TENM2: variants seen among roughly 807,000 people sequenced by gnomAD.
The protein encoded by TENM2 is teneurin transmembrane protein 2, also known as teneurin-2.
TENM2 carries 52 observed loss-of-function variants against 245.2 expected under a neutral mutation model. The observed-to-expected ratio is 0.21, with a 90% CI of 0.17 to 0.27. The LOEUF is 0.27. Ranked by LOEUF, TENM2 falls within the 10% of genes least tolerant of loss-of-function variation. The probability of loss-of-function intolerance (pLI) is 1.00; values close to 1 mark genes in which losing one functional copy is unlikely to be tolerated. For missense variants in TENM2, 3,046 were observed against 3,666.8 expected (o/e 0.83, Z 4.37); for synonymous variants, 1,363 against 1,438.9 (o/e 0.95, Z 1.19).
At chr5:167,248,545 T>A in the TENM2 span, among the ~76,000 whole-genome samples, 1 of 152,068 alleles carries the variant, frequency 6.6e-6, no homozygotes, top group Non-Finnish European at 1.5e-5. Flanking sequence ...TTGAAAACGC[T>A]AGAGGAAGAA....
chr5:167,092,314 G>A, the TENM2 span, among the ~76,000 whole-genome samples: 32 of 151,976 alleles, frequency 2.1e-4, no homozygotes, highest in African/African-American at 7.0e-4. Flanking sequence ...AGGCTACGTC[G>A]GCAGAGTTGA....
At chr5:167,121,777 C>A in the TENM2 span, among the ~76,000 whole-genome samples, 66 of 152,284 alleles carry the variant, frequency 4.3e-4, no homozygotes, top group African/African-American at 1.5e-3. Flanking sequence ...CTGATAGGAT[C>A]AAAAACTTTC....
the TENM2 span, among the ~76,000 whole-genome samples, chr5:167,157,965 C>T: frequency 1.3e-5 from 2 of 152,176 alleles, no homozygotes; most frequent in Non-Finnish European, 2.9e-5. Flanking sequence ...GACAGCATTT[C>T]TACTCTCGTT....
chr5:167,284,938 T>A, exon 1 of TENM2: 1 of 1,551,764 alleles, frequency 6.4e-7, no homozygotes, highest in South Asian at 1.2e-5. Flanking sequence ...GACTGCCGCG[T>A]GCCCACACAG....
the TENM2 span, among the ~76,000 whole-genome samples, chr5:167,050,811 G>A: frequency 1.3e-5 from 2 of 152,086 alleles, no homozygotes; most frequent in Non-Finnish European, 2.9e-5. Context: ...ATTCAAGGTG[G>A]GTCTGGGATG....
intron 1 of TENM2, among the ~76,000 whole-genome samples, chr5:167,286,327 C>A (rs1484071966): frequency 1.3e-5 from 2 of 152,178 alleles, no homozygotes; most frequent in Non-Finnish European, 1.5e-5. Flanking sequence ...ACATGCTGAT[C>A]CTCCTCCATG....
intron 2 of TENM2, among the ~76,000 whole-genome samples, chr5:167,450,740 A>G (rs1308887185): frequency 2.0e-5 from 3 of 152,154 alleles, no homozygotes; most frequent in African/African-American, 7.2e-5. Context: ...ATCAGCATGT[A>G]TGTTCTCAAC....
Position 167,509,199 on chromosome 5 carries a change from G to A in TENM2, c.502+133726G>A, listed in dbSNP as rs187647448. ...TCTTGTCTATATTTTTGTTACCTCA[G>A]GGGATTATCCATAACTGTCAGATTG... On this transcript the variant is annotated intron_variant, in intron 2 of 28. Coordinates refer to ENST00000518659, the Ensembl canonical transcript of TENM2. 2.0e-5 allele frequency among the ~76,000 whole-genome samples: 3 copies of A among 152,296 alleles called. No individual in the cohort carries two copies. The East Asian group carries it at 5.8e-4, about 29-fold the overall frequency.
intron 2 of TENM2, among the ~76,000 whole-genome samples, chr5:167,469,174 C>A (rs1235450586): frequency 6.6e-6 from 1 of 152,006 alleles, no homozygotes; most frequent in African/African-American, 2.4e-5. Flanking sequence ...TGAAGTTAGG[C>A]TGATAAGAAG....
chr5:167,193,113 G>A, the TENM2 span, among the ~76,000 whole-genome samples: 2 of 152,000 alleles, frequency 1.3e-5, no homozygotes, highest in South Asian at 2.1e-4. Flanking sequence ...GGGAGGGAGC[G>A]AGGAAGAAGT....
the TENM2 span, among the ~76,000 whole-genome samples, chr5:167,025,919 C>A: frequency 7.9e-5 from 12 of 152,040 alleles, no homozygotes; most frequent in African/African-American, 2.9e-4. Flanking sequence ...AGTTGAACCC[C>A]CATATTTAAA....
In TENM2 at chr5:167,875,913, T is replaced by G; in HGVS notation, c.503-73T>G. The G allele has an allele frequency of 2.0e-6, 2 of 982,026 alleles. 1 individual carries two copies. The highest frequency in any genetic ancestry group is 2.9e-5 in the South Asian group (2 of 69,328). The allele number at this position is 982,026 out of a possible 1,614,324, so 60.8% of individuals were successfully genotyped here. On this transcript the variant is annotated intron_variant, in intron 2 of 28. Transcript: ENST00000518659. ...TTTAATATTTATATTGTGAGCTGGT[T>G]TCAATGTAACTTTCTTGGGGTGCTC...
At chr5:166,994,609 A>G in the TENM2 span, among the ~76,000 whole-genome samples, 2 of 152,196 alleles carry the variant, frequency 1.3e-5, no homozygotes, top group African/African-American at 2.4e-5. Context: ...GTGAGTTGGC[A>G]TGGCAGATTG....
At chr5:167,092,414 A>G in the TENM2 span, among the ~76,000 whole-genome samples, 260 of 152,270 alleles carry the variant, frequency 1.7e-3, no homozygotes, top group African/African-American at 5.8e-3. Flanking sequence ...GGTCCTTTCT[A>G]GGAAAGCTAT....
chr5:167,044,393 G>C, the TENM2 span, among the ~76,000 whole-genome samples: 1 of 152,196 alleles, frequency 6.6e-6, no homozygotes, highest in Non-Finnish European at 1.5e-5. Flanking sequence ...AATGTGTTCA[G>C]TTTTTAATAT....
At chr5:168,100,178 A>G (rs138099564) in intron 9 of TENM2, among the ~76,000 whole-genome samples, 2 of 152,338 alleles carry the variant, frequency 1.3e-5, no homozygotes, top group Non-Finnish European at 2.9e-5. Flanking sequence ...GCAAACCACA[A>G]TGAGATACCG....
the TENM2 span, among the ~76,000 whole-genome samples, chr5:167,105,607 G>C: frequency 6.6e-6 from 1 of 151,876 alleles, no homozygotes; most frequent in Non-Finnish European, 1.5e-5. Flanking sequence ...GAAAGTGATC[G>C]GCCGGGCGCG....
chr5:167,049,457 C>T, the TENM2 span, among the ~76,000 whole-genome samples: 2 of 152,124 alleles, frequency 1.3e-5, no homozygotes, highest in African/African-American at 4.8e-5. Context: ...AATATGTAAT[C>T]ATATGATTTA....
At chr5:167,261,872 C>T in the TENM2 span, among the ~76,000 whole-genome samples, 1 of 152,074 alleles carries the variant, frequency 6.6e-6, no homozygotes, top group Admixed American at 6.5e-5. Context: ...AAGCCATGTA[C>T]CCTGGGTTTG....
Sources: allele counts gnomAD v4.1 joint callset (sites outside exome capture counted in the v4.1 genomes callset), GRCh38; gene constraint gnomAD v4.1.1; transcripts MANE v1.5; gene names NCBI Gene and HGNC (gene_info 2026-07-23, HGNC 2026-07-21).